Variants in PDE4D observed in about 807,000 individuals in gnomAD.
PDE4D encodes the protein 3',5'-cyclic-AMP phosphodiesterase 4D.
Under a neutral mutation model 87.4 loss-of-function variants are expected in PDE4D, and 24 were observed. That is an observed-to-expected ratio of 0.27 (90% CI 0.20 to 0.39). PDE4D has a LOEUF of 0.39. Ranked by LOEUF, PDE4D falls within the 10% of genes least tolerant of loss-of-function variation. PDE4D has a pLI of 1.00. For synonymous variants in PDE4D, 384 were observed against 383.2 expected (o/e 1.00, Z -0.02); for missense variants, 714 against 1,041.0 (o/e 0.69, Z 4.32).
intron 1 of PDE4D, among the ~76,000 whole-genome samples, chr5:60,475,094 G>T (rs1748207915): frequency 6.6e-6 from 1 of 152,102 alleles, no homozygotes; most frequent in Non-Finnish European, 1.5e-5. Context: ...AAATAAGGGT[G>T]CTCAAAAGGA....
chr5:59,043,075 T>C (rs1759960906), intron 5 of PDE4D, among the ~76,000 whole-genome samples: 1 of 152,212 alleles, frequency 6.6e-6, no homozygotes, highest in Non-Finnish European at 1.5e-5. Context: ...GACATTAGTT[T>C]CTTTGCCAAC....
chr5:60,510,764 T>C (rs1443528460), intron 1 of PDE4D, among the ~76,000 whole-genome samples: 2 of 152,124 alleles, frequency 1.3e-5, no homozygotes, highest in Non-Finnish European at 2.9e-5. Context: ...GGAAAAAGTA[T>C]AAAGGATGGA....
intron 3 of PDE4D, among the ~76,000 whole-genome samples, chr5:59,904,952 C>T (rs1299841055): frequency 2.0e-5 from 3 of 152,096 alleles, no homozygotes; most frequent in Non-Finnish European, 4.4e-5. Flanking sequence ...TCACAAGTCA[C>T]GGCAGACTCT....
chr5:59,009,025 C>T (rs879927642), intron 6 of PDE4D, among the ~76,000 whole-genome samples: 3 of 152,040 alleles, frequency 2.0e-5, no homozygotes, highest in Non-Finnish European at 2.9e-5. Flanking sequence ...AGTGAGATGC[C>T]ACACTACATA....
intron 1 of PDE4D, among the ~76,000 whole-genome samples, chr5:59,266,724 G>A (rs1762919055): frequency 6.6e-6 from 1 of 151,984 alleles, no homozygotes; most frequent in South Asian, 2.1e-4. Context: ...AAGATTAAAA[G>A]AAGAAACTTG....
At chr5:59,164,824 AG>A (rs1470829145) in intron 5 of PDE4D, 1 of 152,180 alleles carries the variant, frequency 6.6e-6, no homozygotes, top group Non-Finnish European at 1.5e-5. Context: ...GGCTACGCAG[AG>A]GGCACAGATA....
At chr5:60,316,990 T>G (rs532976983) in intron 1 of PDE4D, among the ~76,000 whole-genome samples, 24 of 152,218 alleles carry the variant, frequency 1.6e-4, no homozygotes, top group African/African-American at 4.8e-4. Context: ...ATCAGAATGA[T>G]GCTGGCCTCA....
intron 1 of PDE4D, among the ~76,000 whole-genome samples, chr5:59,463,525 C>T (rs1198150603): frequency 6.6e-6 from 1 of 152,172 alleles, no homozygotes; most frequent in Non-Finnish European, 1.5e-5. Flanking sequence ...ATCACATGCT[C>T]ATTAAGCTTT....
At chr5:59,671,746 T>A (rs1366988175) in intron 1 of PDE4D, among the ~76,000 whole-genome samples, 1 of 149,366 alleles carries the variant, frequency 6.7e-6, no homozygotes, top group Non-Finnish European at 1.5e-5. Context: ...AAGTAGAGGC[T>A]GCAGGAGCCA....
intron 2 of PDE4D, among the ~76,000 whole-genome samples, chr5:60,138,407 A>G (rs1324757230): frequency 6.6e-6 from 1 of 152,124 alleles, no homozygotes; most frequent in African/African-American, 2.4e-5. Flanking sequence ...TCTTCTATCT[A>G]TATAATTTCA....
At chr5:60,475,143 C>T (rs192537120) in intron 1 of PDE4D, among the ~76,000 whole-genome samples, 2 of 152,076 alleles carry the variant, frequency 1.3e-5, no homozygotes, top group Admixed American at 1.3e-4. Flanking sequence ...TCTTCTCCCC[C>T]CTAATGTTAT....
At chr5:59,546,763 C>T (rs1442162088) in intron 1 of PDE4D, among the ~76,000 whole-genome samples, 1 of 152,116 alleles carries the variant, frequency 6.6e-6, no homozygotes, top group Non-Finnish European at 1.5e-5. Flanking sequence ...AATGCTTACC[C>T]ACAAAGCTTC....
At chr5:59,166,892 T>C (rs550413486) in intron 5 of PDE4D, among the ~76,000 whole-genome samples, 1 of 152,344 alleles carries the variant, frequency 6.6e-6, no homozygotes, top group Admixed American at 6.5e-5. Context: ...CTTTCAGCAA[T>C]GGCATCAGGG....
At chr5:59,443,838 C>CT (rs1797981928) in intron 1 of PDE4D, among the ~76,000 whole-genome samples, 1 of 151,878 alleles carries the variant, frequency 6.6e-6, no homozygotes, top group Admixed American at 6.6e-5. Context: ...CTCTCTTGAC[C>CT]TTTTGGATAC....
At position 59,840,234 on chromosome 5, in the gene PDE4D, CCACACACACA is replaced by C. The variant is rs142164308; in HGVS notation, c.455+52924_455+52933del. 3.2e-4 allele frequency among the ~76,000 whole-genome samples: 46 copies of C among 145,006 alleles called. 1 individual carries two copies. Among genetic ancestry groups the C allele is most frequent in the Admixed American group, 1.9e-3 (27 of 14,442 alleles). ...GTCTTCTAGTTTCACACGTGCACTG[CCACACACACA>C]CACACACACACACACACACACATCC... is the stretch of plus-strand genomic sequence containing the variant. On this transcript the variant is annotated intron_variant, in intron 1 of 14. Transcript: ENST00000340635.
At chr5:59,521,825 T>A (rs981445394) in intron 1 of PDE4D, among the ~76,000 whole-genome samples, 3 of 152,202 alleles carry the variant, frequency 2.0e-5, no homozygotes, top group Admixed American at 2.0e-4. Flanking sequence ...CACTTGTAAT[T>A]CTAGATCTGT....
intron 1 of PDE4D, among the ~76,000 whole-genome samples, chr5:59,727,620 T>G (rs879770205): frequency 1.3e-5 from 2 of 152,012 alleles, no homozygotes; most frequent in Non-Finnish European, 2.9e-5. Context: ...TAAATTTGAG[T>G]AGGCAGAGCA....
At chr5:60,197,878 A>G (rs1419136063) in intron 1 of PDE4D, among the ~76,000 whole-genome samples, 1 of 151,674 alleles carries the variant, frequency 6.6e-6, no homozygotes, top group South Asian at 2.1e-4. Flanking sequence ...GCGCCCTTGC[A>G]AGGGAATGAG....
At chr5:59,694,921 AT>A (rs1751527695) in intron 1 of PDE4D, among the ~76,000 whole-genome samples, 1 of 152,194 alleles carries the variant, frequency 6.6e-6, no homozygotes, top group African/African-American at 2.4e-5. Flanking sequence ...ATGTTCATTA[AT>A]TCACACAGTA....
Sources: gnomAD v4.1 joint callset for allele counts (sites outside exome capture counted in the v4.1 genomes callset) on GRCh38, gnomAD v4.1.1 for gene constraint, MANE v1.5 for transcripts, NCBI Gene and HGNC (gene_info 2026-07-23, HGNC 2026-07-21) for gene names.